Variants in ADAMTS16 observed in about 807,000 individuals in gnomAD.
ADAMTS16 encodes the protein A disintegrin and metalloproteinase with thrombospondin motifs 16.
In ADAMTS16, 94 loss-of-function variants were observed where a neutral mutation model predicts 145.8. That is an observed-to-expected ratio of 0.64 (90% confidence interval 0.55 to 0.77). The LOEUF is 0.77. ADAMTS16 is among the 30% of genes least tolerant of loss of function. ADAMTS16 has a pLI of 0.00. For synonymous variants in ADAMTS16, 659 were observed against 604.3 expected (o/e 1.09, Z -1.33); for missense variants, 1,585 against 1,591.5 (o/e 1.00, Z 0.07).
intron 14 of ADAMTS16, among the ~76,000 whole-genome samples, 165 bp downstream of exon 14, chr5:5,237,264 T>C (rs1352824541): frequency 1.3e-5 from 2 of 152,174 alleles, no homozygotes; most frequent in Non-Finnish European, 2.9e-5. Context: ...ACATGCTGCT[T>C]TGCTGCAGTG....
intron 15 of ADAMTS16, 79 bp from the exon 16 acceptor site, chr5:5,239,602 C>T (rs7725750): frequency 1.9e-6 from 3 of 1,563,848 alleles, no homozygotes; most frequent in South Asian, 1.2e-5. Context: ...TTTTGTTTAC[C>T]GAGGACTGGG....
chr5:5,237,311 G>A (rs533646973), intron 14 of ADAMTS16, among the ~76,000 whole-genome samples: 22 of 152,284 alleles, frequency 1.4e-4, no homozygotes, highest in Middle Eastern at 3.4e-3. Flanking sequence ...GGAGGGGCCC[G>A]TTCTGTCTTA....
Position 5,216,857 on chromosome 5 carries a change from T to C in ADAMTS16, c.1606-5932T>C, listed in dbSNP as rs1310109556. ...CACCTATGAGTGAGAATATGCGGTG[T>C]TTGGTTTTTTGTTCTTGCGATAGTT... On this transcript the variant is annotated intron_variant, in intron 10 of 22. Transcript: ENST00000274181. 6.0e-3 allele frequency among the ~76,000 whole-genome samples: 893 copies of C among 149,400 alleles called. 4 individuals are homozygous for C. The highest frequency in any genetic ancestry group is 0.02 in the African/African-American group (824 of 40,526).
At chr5:5,251,294 T>C (rs922657092) in intron 17 of ADAMTS16, among the ~76,000 whole-genome samples, 2 of 152,334 alleles carry the variant, frequency 1.3e-5, no homozygotes, top group Admixed American at 6.5e-5. Flanking sequence ...CTATGTCATC[T>C]GTATCCTTCA....
intron 18 of ADAMTS16, among the ~76,000 whole-genome samples, chr5:5,285,342 G>C (rs1739065463): frequency 6.6e-6 from 1 of 152,126 alleles, no homozygotes. Context: ...ACTGGCAGTG[G>C]CCACACTCTC....
Position 5,303,735 on chromosome 5 carries a change from A to G in ADAMTS16, c.3155A>G (p.Lys1052Arg). 2 of 1,613,336 alleles carry G rather than the reference A, an allele frequency of 1.2e-6. No homozygotes were observed. Among genetic ancestry groups the G allele is most frequent in the Non-Finnish European group, 1.7e-6 (2 of 1,180,016 alleles). Residue 1052 changes from lysine (K) to arginine (R), a missense_variant, in exon 20 of 23, where the codon AAG (lysine) becomes AGG (arginine). By Grantham distance (26) the Lys-to-Arg change is conservative. Coordinates refer to ENST00000274181, the MANE Select transcript of ADAMTS16 (RefSeq NM_139056.4). ...CLLQRCHKPK[K>R]LQWLVSAWSQ... ...CTTCAGCGCTGCCACAAGCCCAAGA[A>G]GCTGCAGTGGCTGGTGTCCGCCTGG... is the stretch of plus-strand genomic sequence containing the variant.
intron 18 of ADAMTS16, among the ~76,000 whole-genome samples, chr5:5,268,418 T>C (rs532923410): frequency 3.5e-4 from 54 of 152,294 alleles, no homozygotes; most frequent in African/African-American, 1.3e-3. Flanking sequence ...AGACGCTCGG[T>C]CACCACAGCT....
chr5:5,191,645 C>T, intron 7 of ADAMTS16, 40 bp from the exon 8 acceptor site: 1 of 1,500,662 alleles, frequency 6.7e-7, no homozygotes, highest in Non-Finnish European at 9.3e-7. Flanking sequence ...TATTTTATTA[C>T]AACACCGCTA....
At chr5:5,264,951 G>C (rs1023266583) in intron 18 of ADAMTS16, among the ~76,000 whole-genome samples, 1 of 152,222 alleles carries the variant, frequency 6.6e-6, no homozygotes, top group African/African-American at 2.4e-5. Flanking sequence ...CACTGCAGGA[G>C]AGCTGGCTGC....
chr5:5,233,036 G>GT (rs1736983436), intron 12 of ADAMTS16, among the ~76,000 whole-genome samples: 1 of 71,638 alleles, frequency 1.4e-5, no homozygotes, highest in Non-Finnish European at 4.3e-5. Flanking sequence ...CCTGACCACA[G>GT]CAAAAAAATA....
intron 3 of ADAMTS16, among the ~76,000 whole-genome samples, chr5:5,167,377 T>C (rs1218488688): frequency 6.6e-6 from 1 of 152,192 alleles, no homozygotes; most frequent in African/African-American, 2.4e-5. Context: ...TGACATAGGG[T>C]ATCTTATGTC....
At chr5:5,308,554 T>TC (rs990603534) in intron 21 of ADAMTS16, among the ~76,000 whole-genome samples, 1 of 151,730 alleles carries the variant, frequency 6.6e-6, no homozygotes, top group South Asian at 2.1e-4. Context: ...ACCCTCAACC[T>TC]CCCCCAGGGC....
chr5:5,215,908 ATATAT>A (rs1736426200), intron 10 of ADAMTS16, among the ~76,000 whole-genome samples: 1 of 115,800 alleles, frequency 8.6e-6, no homozygotes, highest in South Asian at 2.7e-4. Flanking sequence ...ATATATATAT[ATATAT>A]ATCACAGTTT....
At chr5:5,148,648 T>A (rs1038384095) in intron 3 of ADAMTS16, among the ~76,000 whole-genome samples, 1 of 152,212 alleles carries the variant, frequency 6.6e-6, no homozygotes, top group Non-Finnish European at 1.5e-5. Context: ...ATCATTGAGG[T>A]GTTGTCCTAT....
intron 3 of ADAMTS16, among the ~76,000 whole-genome samples, chr5:5,149,620 C>T (rs1163906957): frequency 6.6e-6 from 1 of 152,142 alleles, no homozygotes. Context: ...ATGTATCATT[C>T]AGTAGTTTTT....
intron 3 of ADAMTS16, among the ~76,000 whole-genome samples, chr5:5,148,799 C>T (rs1734368987): frequency 6.6e-6 from 1 of 152,146 alleles, no homozygotes; most frequent in South Asian, 2.1e-4. Context: ...ACCTGGGCCC[C>T]AGGAGTTTAT....
At chr5:5,315,711 A>G (rs1734033199) in intron 21 of ADAMTS16, among the ~76,000 whole-genome samples, 1 of 152,232 alleles carries the variant, frequency 6.6e-6, no homozygotes, top group African/African-American at 2.4e-5. Context: ...GAAAAAAGGC[A>G]GAAATGTGGT....
At chr5:5,186,019 G>A in intron 4 of ADAMTS16, 33 bp from the exon 5 acceptor site, 1 of 1,576,178 alleles carries the variant, frequency 6.3e-7, no homozygotes. Context: ...TGTGACTTGT[G>A]CTTCCATTTG....
At chr5:5,200,406 G>A (rs1735924324) in intron 9 of ADAMTS16, 137 bp downstream of exon 9, 5 of 1,170,388 alleles carry the variant, frequency 4.3e-6, no homozygotes, top group Non-Finnish European at 2.4e-6. Flanking sequence ...GAGACATTCA[G>A]TTGACCGAAG....
Sources: allele counts gnomAD v4.1 joint callset (sites outside exome capture counted in the v4.1 genomes callset), GRCh38; gene constraint gnomAD v4.1.1; transcripts MANE v1.5; gene names NCBI Gene and HGNC (gene_info 2026-07-23, HGNC 2026-07-21).